OTOF: variants seen among roughly 807,000 people sequenced by gnomAD.
OTOF encodes otoferlin.
In OTOF, 218 loss-of-function variants were observed where a neutral mutation model predicts 236.8. The observed-to-expected ratio is 0.92, with a 90% CI of 0.82 to 1.03. The LOEUF is 1.03. OTOF is among the 50% of genes least tolerant of loss of function. OTOF has a pLI of 0.00. For synonymous variants in OTOF, 1,041 were observed against 1,072.5 expected, an observed-to-expected ratio of 0.97 and a Z score of 0.57; for missense variants, 2,590 against 2,694.4, an observed-to-expected ratio of 0.96 and a Z score of 0.86.
chr2:26,469,776 G>T (rs1315900830), intron 32 of OTOF, among the ~76,000 whole-genome samples: 1 of 152,216 alleles, frequency 6.6e-6, no homozygotes. Flanking sequence ...ACTTGCTACA[G>T]CAGCTTAATG....
At chr2:26,543,085 A>G (rs1419089139) in intron 1 of OTOF, among the ~76,000 whole-genome samples, 1 of 152,132 alleles carries the variant, frequency 6.6e-6, no homozygotes, top group Non-Finnish European at 1.5e-5. Context: ...ATTCCCTCCC[A>G]CAAAGCTCCC....
intron 33 of OTOF, 76 bp from the exon 34 acceptor site, chr2:26,467,577 C>T (rs1056079321): frequency 8.6e-6 from 13 of 1,511,680 alleles, no homozygotes; most frequent in South Asian, 8.2e-5. Context: ...CCAGCTCTGT[C>T]GCTAATTTGC....
chr2:26,499,400 T>C (rs562264541), intron 8 of OTOF, among the ~76,000 whole-genome samples: 8 of 152,166 alleles, frequency 5.3e-5, no homozygotes, highest in East Asian at 1.9e-4. Flanking sequence ...TCTCCCCACA[T>C]CTCACCAACG....
intron 5 of OTOF, among the ~76,000 whole-genome samples, chr2:26,509,064 T>C (rs1008974072): frequency 6.6e-6 from 1 of 152,206 alleles, no homozygotes; most frequent in Admixed American, 6.5e-5. Context: ...TTACTCCAAC[T>C]GTAGCCAGTC....
intron 30 of OTOF, among the ~76,000 whole-genome samples, chr2:26,471,637 A>G (rs1664979143): frequency 6.6e-6 from 1 of 152,210 alleles, no homozygotes. Context: ...ATCATTACCT[A>G]TGGTGTCATT....
At chr2:26,510,257 G>A (rs188077148) in intron 5 of OTOF, among the ~76,000 whole-genome samples, 2 of 151,976 alleles carry the variant, frequency 1.3e-5, no homozygotes, top group East Asian at 3.9e-4. Context: ...AGCTGCAAAG[G>A]GTACCCAGAG....
intron 5 of OTOF, among the ~76,000 whole-genome samples, chr2:26,507,653 C>G (rs11675086): frequency 0.22 from 33,963 of 152,044 alleles, 4,611 homozygotes; most frequent in East Asian, 0.3. Context: ...CAATAATCAA[C>G]TCAGTGAAAA....
At chr2:26,489,358 G>A (rs1665780501) in intron 10 of OTOF, 63 bp from the exon 11 acceptor site, 2 of 1,298,190 alleles carry the variant, frequency 1.5e-6, no homozygotes, top group Non-Finnish European at 2.2e-6. Flanking sequence ...CCATGGGGCA[G>A]TGGTGGGACC....
At position 26,501,798 on chromosome 2, in the gene OTOF, CT is replaced by C; in HGVS notation, c.720del (p.Asp241ThrfsTer20). Reference protein sequence around the residue: ...TTNVSNKRSKPDIKMEPSAGR... With the variant: ...TTNVSNKRSKXDIKMEPSAGR... Reference sequence around the variant, plus strand: ...CCAGCACTTGGCTCCATCTTAATGTCTGGCTTAGATCTGAGGAAGAGAATGT... The same window carrying C: ...CCAGCACTTGGCTCCATCTTAATGTCGGCTTAGATCTGAGGAAGAGAATGT... On this transcript the variant is annotated frameshift_variant, in exon 8 of 47. Transcript: ENST00000272371. LOFTEE classifies it high-confidence loss of function. 1 of 1,613,678 alleles carries C rather than the reference CT, an allele frequency of 6.2e-7. No individual in the cohort carries two copies. Among genetic ancestry groups the C allele is most frequent in the Non-Finnish European group, 8.5e-7 (1 of 1,179,584 alleles).
intron 11 of OTOF, among the ~76,000 whole-genome samples, chr2:26,485,966 G>A (rs554586886): frequency 6.6e-6 from 1 of 152,356 alleles, no homozygotes; most frequent in African/African-American, 2.4e-5. Flanking sequence ...GGAGCTTCAG[G>A]TCTTGCCAGA....
At chr2:26,548,936 T>C (rs1327239717) in intron 1 of OTOF, among the ~76,000 whole-genome samples, 1 of 152,224 alleles carries the variant, frequency 6.6e-6, no homozygotes, top group Non-Finnish European at 1.5e-5. Context: ...TGTGTCTGGC[T>C]TCTTTTATTT....
chr2:26,522,011 G>T (rs1214902084), intron 3 of OTOF, among the ~76,000 whole-genome samples: 1 of 152,158 alleles, frequency 6.6e-6, no homozygotes, highest in African/African-American at 2.4e-5. Context: ...TTGCAGGATG[G>T]GCTTCAGGGG....
intron 1 of OTOF, among the ~76,000 whole-genome samples, chr2:26,555,088 G>A (rs938579846): frequency 1.3e-5 from 2 of 152,198 alleles, no homozygotes; most frequent in Non-Finnish European, 2.9e-5. Context: ...CACACCCTGC[G>A]TTCTGTGGCT....
chr2:26,480,361 G>T, intron 15 of OTOF, 50 bp from the exon 16 acceptor site: 1 of 1,133,654 alleles, frequency 8.8e-7, no homozygotes, highest in Non-Finnish European at 1.3e-6. Context: ...AGGGTGGCAG[G>T]TCGGGGGCCA....
At chr2:26,506,215 C>T (rs952144054) in intron 5 of OTOF, among the ~76,000 whole-genome samples, 6 of 152,190 alleles carry the variant, frequency 3.9e-5, no homozygotes, top group East Asian at 1.9e-4. Flanking sequence ...TTTGCCCAGC[C>T]GTGCTGCTCA....
rs141320361 is a variant in OTOF at position 26,542,570 on chromosome 2, C to T, written c.80-4796G>A. On this transcript the variant is annotated intron_variant, in intron 1 of 46. Transcript: ENST00000272371. ...AGGCACACGCATTGACGCTAGAAGA[C>T]CAGAAGAAATCTGGATATTCAGAGA... 5.4e-4 allele frequency among the ~76,000 whole-genome samples: 82 copies of T among 152,228 alleles called. 1 individual carries two copies. Among genetic ancestry groups the T allele is most frequent in the Admixed American group, 1.0e-3 (16 of 15,294 alleles).
Position 26,503,831 on chromosome 2 carries a change from A to G in OTOF, c.524T>C (p.Val175Ala). Residue 175 changes from valine to alanine, a missense_variant, in exon 6 of 47, where the codon GTG becomes GCG. By Grantham distance (64) the Val-to-Ala change is moderately conservative. This residue lies in a region of OTOF where 1,379 missense variants were observed against 1,341.6 expected (regional missense o/e 1.03). Transcript: ENST00000272371. ...EKSFRRAGRSVFSAMKLGKNR... is the reference protein window; with the variant it reads ...EKSFRRAGRSAFSAMKLGKNR... Reference sequence around the variant, plus strand: ...TTTGCCGAGCTTCATGGCGGAGAACACGCTCCTCCCGGCTCTGTGAGGGGG... The same window carrying G: ...TTTGCCGAGCTTCATGGCGGAGAACGCGCTCCTCCCGGCTCTGTGAGGGGG... The G allele has an allele frequency of 1.2e-6, 2 of 1,614,082 alleles. No homozygotes were observed. Among genetic ancestry groups the G allele is most frequent in the South Asian group, 2.2e-5 (2 of 91,078 alleles).
chr2:26,471,084 T>C (rs2148036536), intron 31 of OTOF, 37 bp downstream of exon 31: 1 of 1,612,636 alleles, frequency 6.2e-7, no homozygotes, highest in Non-Finnish European at 8.5e-7. Context: ...TAAAGGACCC[T>C]CTCACCCCAG....
intron 5 of OTOF, 45 bp from the exon 6 acceptor site, chr2:26,503,890 T>G (rs1666183221): frequency 6.5e-7 from 1 of 1,540,574 alleles, no homozygotes; most frequent in Admixed American, 1.7e-5. Flanking sequence ...GAGGGACGCA[T>G]GGAGGAAAAC....
Sources: allele counts gnomAD v4.1 joint callset (sites outside exome capture counted in the v4.1 genomes callset), GRCh38; gene constraint gnomAD v4.1.1; regional missense constraint gnomAD v4.1.1; transcripts MANE v1.5; gene names NCBI Gene and HGNC (gene_info 2026-07-23, HGNC 2026-07-21).